The following ZNF33B variants were observed in gnomAD, a reference collection of about 807,000 sequenced individuals.
ZNF33B encodes zinc finger protein 33B, also known as zinc finger protein 11b (KOX 2).
ZNF33B carries 29 observed loss-of-function variants against 45.8 expected under a neutral mutation model. That is an observed-to-expected ratio of 0.63 (90% CI 0.47 to 0.86). The LOEUF is 0.86. ZNF33B is among the 40% of genes least tolerant of loss of function. The pLI is 0.00. For synonymous variants in ZNF33B, 305 were observed against 307.8 expected (o/e 0.99, Z 0.10); for missense variants, 831 against 909.9 (o/e 0.91, Z 1.12).
At chr10:42,588,292 G>A (rs1836978205), downstream of ZNF33B, among the ~76,000 whole-genome samples, 1 of 152,204 alleles carries the variant, frequency 6.6e-6, no homozygotes, top group Non-Finnish European at 1.5e-5. Context: ...GGGAAGAGAT[G>A]TGACACTCAC....
intron 4 of ZNF33B, among the ~76,000 whole-genome samples, chr10:42,615,223 T>C (rs1204434116): frequency 6.6e-6 from 1 of 152,162 alleles, no homozygotes; most frequent in Non-Finnish European, 1.5e-5. Context: ...TCTAAGTATA[T>C]ATCTGAAATG....
chr10:42,634,539 G>GA (rs1306067270), intron 2 of ZNF33B, among the ~76,000 whole-genome samples: 2 of 152,154 alleles, frequency 1.3e-5, no homozygotes, highest in Admixed American at 1.3e-4. Flanking sequence ...ATTTGCTGAA[G>GA]AAAAAATGTG....
chr10:42,612,288 T>C (rs1347654496), intron 4 of ZNF33B, among the ~76,000 whole-genome samples: 1 of 145,642 alleles, frequency 6.9e-6, no homozygotes, highest in Non-Finnish European at 1.5e-5. Flanking sequence ...AAGTCTGAAG[T>C]GCAGTGATGC....
chr10:42,633,917 C>T (rs1441369684), intron 2 of ZNF33B, among the ~76,000 whole-genome samples: 1 of 151,002 alleles, frequency 6.6e-6, no homozygotes, highest in Admixed American at 6.6e-5. Flanking sequence ...TGCAGTCAGC[C>T]GAGGTCGGCA....
rs1363212227 is a variant in ZNF33B at position 42,593,490 on chromosome 10, T to C, written c.1460A>G (p.His487Arg). 2 of 1,613,990 alleles carry C rather than the reference T, an allele frequency of 1.2e-6. No individual in the cohort carries two copies. Among genetic ancestry groups the C allele is most frequent in the Non-Finnish European group, 1.7e-6 (2 of 1,180,008 alleles). ...SFCQKSHLTQ[H>R]QRTHIGDKPY... The stretch of plus-strand genomic sequence containing the variant: ...TTTATCTCCTATGTGAGTTCTCTGA[T>C]GCTGTGTAAGATGTGACTTTTGACA... Residue 487 changes from histidine to arginine, a missense_variant, in exon 5 of 5, where the codon CAT (histidine) becomes CGT (arginine). Physicochemically the swap from His to Arg is conservative, Grantham distance 29. Transcript: ENST00000359467.
intron 4 of ZNF33B, among the ~76,000 whole-genome samples, chr10:42,626,722 T>TAAATAAATAAAA (rs1437835172): frequency 7.0e-6 from 1 of 141,984 alleles, no homozygotes; most frequent in Non-Finnish European, 1.5e-5. Flanking sequence ...AATAAATAAA[T>TAAATAAATAAAA]AAAATAAAGA....
chr10:42,607,256 G>C (rs907661443), intron 4 of ZNF33B, among the ~76,000 whole-genome samples: 1 of 151,688 alleles, frequency 6.6e-6, no homozygotes, highest in Non-Finnish European at 1.5e-5. Flanking sequence ...GCAACCACTA[G>C]GTAAATAAAT....
At chr10:42,629,098 CAT>C (rs1489306593) in intron 4 of ZNF33B, among the ~76,000 whole-genome samples, 10 of 152,284 alleles carry the variant, frequency 6.6e-5, no homozygotes, top group African/African-American at 2.4e-4. Flanking sequence ...AAATGTGGTA[CAT>C]ATACACAATG....
intron 4 of ZNF33B, chr10:42,614,167 T>C (rs1420621228): frequency 6.5e-6 from 1 of 154,822 alleles, no homozygotes; most frequent in Non-Finnish European, 1.5e-5. Flanking sequence ...ATGCTTGATA[T>C]AATGTGACAA....
chr10:42,616,983 C>T (rs866609970), intron 4 of ZNF33B, among the ~76,000 whole-genome samples: 2 of 151,532 alleles, frequency 1.3e-5, no homozygotes. Context: ...CATGAACCAA[C>T]GCACCCAGCC....
intron 1 of ZNF33B, among the ~76,000 whole-genome samples, chr10:42,576,741 TCATAAGA>T (rs1228280176): frequency 1.3e-5 from 2 of 152,152 alleles, no homozygotes; most frequent in Non-Finnish European, 2.9e-5. Context: ...ATCCTCAAAT[TCATAAGA>T]ATGGTGGAAA....
rs536726568 is a variant in ZNF33B, at chr10:42,607,301, C to T, written c.251-12602G>A. 1.1e-4 allele frequency among the ~76,000 whole-genome samples: 15 copies of T among 141,130 alleles called. No homozygotes were observed. In the East Asian group the frequency reaches 2.3e-3, roughly 22 times the overall value. 92.6% of individuals were successfully genotyped at this position (141,130 alleles called of 152,430 possible). On this transcript the variant is annotated intron_variant, in intron 4 of 4. Coordinates refer to ENST00000359467, the MANE Select transcript of ZNF33B (RefSeq NM_006955.3). ...GACATAGTAATTTTAAAAATTAAAA[C>T]GTTATACTAAAATATATTCATTTCA...
chr10:42,604,935 G>T (rs1258888558), intron 4 of ZNF33B, among the ~76,000 whole-genome samples: 4 of 148,326 alleles, frequency 2.7e-5, no homozygotes, highest in Non-Finnish European at 1.5e-5. Flanking sequence ...AAAAAAAAAA[G>T]AAAGAAAAGA....
At chr10:42,594,972 G>T (rs1837338307) in intron 4 of ZNF33B, among the ~76,000 whole-genome samples, 2 of 151,928 alleles carry the variant, frequency 1.3e-5, no homozygotes, top group African/African-American at 2.4e-5. Flanking sequence ...AATGTAAGAA[G>T]AATAATAGCA....
chr10:42,594,279 CAT>C lies in ZNF33B; in HGVS notation c.669_670del (p.Ile223MetfsTer7), dbSNP rs1463183783. The C allele has an allele frequency of 1.2e-6, 2 of 1,613,890 alleles. No individual in the cohort carries two copies. The highest frequency in any genetic ancestry group is 3.3e-5 in the Admixed American group (2 of 60,010). ...TGCCTTTTCAAGGAGGGTTTCCTGA[CAT>C]ATACTGTATTCAAAATTGTGGTCTA... On this transcript the variant is annotated frameshift_variant, in exon 5 of 5. Coordinates refer to ENST00000359467, the MANE Select transcript of ZNF33B (RefSeq NM_006955.3). LOFTEE classifies it low-confidence loss of function (END_TRUNC).
intron 2 of ZNF33B, among the ~76,000 whole-genome samples, chr10:42,633,876 G>C (rs956836308): frequency 1.3e-5 from 2 of 151,642 alleles, no homozygotes; most frequent in Admixed American, 1.3e-4. Flanking sequence ...GGCTGAGACA[G>C]GAGAATCCCT....
intron 4 of ZNF33B, among the ~76,000 whole-genome samples, chr10:42,601,932 G>GA (rs1259740409): frequency 9.9e-6 from 1 of 100,926 alleles, no homozygotes; most frequent in African/African-American, 4.1e-5. Flanking sequence ...TTTTTTTTTG[G>GA]GGGGAGACAG....
chr10:42,624,994 T>C (rs1589063450), intron 4 of ZNF33B, among the ~76,000 whole-genome samples: 1 of 151,624 alleles, frequency 6.6e-6, no homozygotes, highest in East Asian at 1.9e-4. Context: ...CTATTCTTTT[T>C]CTCAAAACTT....
chr10:42,622,923 G>C (rs1423047195), intron 4 of ZNF33B, among the ~76,000 whole-genome samples: 1 of 152,238 alleles, frequency 6.6e-6, no homozygotes, highest in Non-Finnish European at 1.5e-5. Flanking sequence ...AAAACTTTGG[G>C]TTTGGTGATG....
Sources: gnomAD v4.1 joint callset for allele counts (sites outside exome capture counted in the v4.1 genomes callset) on GRCh38, gnomAD v4.1.1 for gene constraint, MANE v1.5 for transcripts, NCBI Gene and HGNC (gene_info 2026-07-23, HGNC 2026-07-21) for gene names.